Variants in RFNG observed in about 807,000 individuals in gnomAD.
RFNG encodes RFNG O-fucosylpeptide 3-beta-N-acetylglucosaminyltransferase, also known as beta-1,3-N-acetylglucosaminyltransferase radical fringe.
A neutral mutation model predicts 29.6 loss-of-function variants in RFNG; 37 were observed. The ratio of observed to expected loss-of-function variants is 1.25; its 90% CI spans 0.96 to 1.65. RFNG has a LOEUF of 1.65. Ranked by LOEUF, RFNG falls within the 40% of genes most tolerant of loss-of-function variation. The pLI is 0.00. For synonymous variants in RFNG, 276 were observed against 197.3 expected (o/e 1.40, Z -3.34); for missense variants, 546 against 457.0 (o/e 1.19, Z -1.78).
At chr17:82,049,228 C>T (rs1167954054) in intron 6 of RFNG, 112 bp from the exon 7 acceptor site, 2 of 854,590 alleles carry the variant, frequency 2.3e-6, no homozygotes, top group Non-Finnish European at 3.9e-6. Context: ...CTCCCCAGGC[C>T]CTCGGGGAGG....
rs766944393 is a variant in RFNG at position 82,049,761 on chromosome 17, C to A, written c.744G>T (p.Leu248=). 6.6e-7 allele frequency: 1 copy of A among 1,523,726 alleles called. No individual in the cohort carries two copies. The highest frequency in any genetic ancestry group is 2.3e-5 in the East Asian group (1 of 44,168). 94.4% of individuals were successfully genotyped at this position (1,523,726 alleles called of 1,614,324 possible). A position where few individuals can be genotyped will look rare whatever the true frequency, so the allele number is the denominator to read the frequency against. ...GGGGGCTGTGCAGCAGGCGGGCGCCCAGGAGCCCCTCCACGATGTAGCCAA... is the reference window on the plus strand; with the variant it reads ...GGGGGCTGTGCAGCAGGCGGGCGCCAAGGAGCCCCTCCACGATGTAGCCAA... ...CTVGYIVEGL[L]GARLLHSPLF... The change falls in exon 6 of 8, where the codon CTG becomes CTT. Residue 248 remains leucine, a synonymous_variant. Transcript: ENST00000310496.
Position 82,051,796 on chromosome 17 carries a change from C to T in RFNG, c.-30G>A, listed in dbSNP as rs2030677538. 3 of 1,124,920 alleles carry T rather than the reference C, an allele frequency of 2.7e-6. No homozygotes were observed. The highest frequency in any genetic ancestry group is 3.3e-6 in the Non-Finnish European group (3 of 919,250). 69.7% of individuals were successfully genotyped at this position (1,124,920 alleles called of 1,614,324 possible). A position where few individuals can be genotyped will look rare whatever the true frequency, so the allele number is the denominator to read the frequency against. Reference sequence around the variant, plus strand: ...CCGCCGGGACCCCCGGCGCTGCGAGCGGAGAACCTGGCCGGAGCCGTGGGT... The same window carrying T: ...CCGCCGGGACCCCCGGCGCTGCGAGTGGAGAACCTGGCCGGAGCCGTGGGT... On this transcript the variant is annotated 5_prime_UTR_variant, in exon 1 of 8. Transcript: ENST00000310496. This position sits in a 1 kb window ranked among gnomAD's most constrained non-coding sequence, Gnocchi z 4.1.
chr17:82,050,300 C>T (rs921631823), intron 4 of RFNG, 102 bp downstream of exon 4: 3 of 1,373,688 alleles, frequency 2.2e-6, no homozygotes, highest in Non-Finnish European at 2.9e-6. Context: ...GGGCCCCCAA[C>T]CCTATGCCCT....
At position 82,049,083 on chromosome 17, in the gene RFNG, G is replaced by T; in HGVS notation, c.862C>A (p.His288Asn). The T allele has an allele frequency of 1.2e-6, 2 of 1,613,552 alleles. No individual in the cohort carries two copies. The highest frequency in any genetic ancestry group is 1.7e-6 in the Non-Finnish European group (2 of 1,179,864). Residue 288 changes from histidine (H) to asparagine (N), a missense_variant, in exon 7 of 8, where the codon CAT (histidine) becomes AAT (asparagine). Physicochemically the swap from His to Asn is moderately conservative, Grantham distance 68. Coordinates refer to ENST00000310496, the MANE Select transcript of RFNG (RefSeq NM_002917.2). The part of the protein sequence containing the change: ...TLSHGGPENP[H>N]NVVNVAGGFS... ...CCTCCAGCCACGTTCACCACGTTAT[G>T]TGGGTTCTCAGGACCCCCATGGCTC...
rs2030666418 is a variant in RFNG, at chr17:82,051,772, C to G, written c.-6G>C. 9.0e-7 allele frequency: 1 copy of G among 1,105,138 alleles called. No individual in the cohort carries two copies. Among genetic ancestry groups the G allele is most frequent in the Admixed American group, 5.2e-5 (1 of 19,360 alleles). The allele number at this position is 1,105,138 out of a possible 1,614,324, so 68.5% of individuals were successfully genotyped here. A position where few individuals can be genotyped will look rare whatever the true frequency, so the allele number is the denominator to read the frequency against. ...GCCCCACGCGCGCGGCTCATGCGGC[C>G]GCCGGGACCCCCGGCGCTGCGAGCG... On this transcript the variant is annotated 5_prime_UTR_variant, in exon 1 of 8. Coordinates refer to ENST00000310496, the MANE Select transcript of RFNG (RefSeq NM_002917.2). This position sits in a 1 kb window ranked among gnomAD's most constrained non-coding sequence, Gnocchi z 4.1.
intron 2 of RFNG, 64 bp from the exon 3 acceptor site, chr17:82,050,828 G>A (rs2030417721): frequency 6.5e-7 from 1 of 1,529,276 alleles, no homozygotes; most frequent in Non-Finnish European, 8.9e-7. Context: ...TAAGGCCTGT[G>A]CCCCACCTGC....
chr17:82,050,227 C>T (rs1025720380), intron 4 of RFNG, 175 bp downstream of exon 4: 41 of 849,740 alleles, frequency 4.8e-5, no homozygotes, highest in Admixed American at 8.7e-5. Flanking sequence ...CTGCCCAGTA[C>T]GGTGAGGGCC....
chr17:82,049,551 C>T (rs551078877), intron 6 of RFNG, 126 bp downstream of exon 6: 5 of 1,156,822 alleles, frequency 4.3e-6, no homozygotes, highest in East Asian at 2.6e-5. Flanking sequence ...CCAGGGTCCA[C>T]CCCCAGCCAC....
At position 82,050,957 on chromosome 17, in the gene RFNG, G is replaced by A. The variant is rs1268396183; in HGVS notation, c.317-193C>T. The A allele has an allele frequency of 2.7e-5, 38 of 1,426,218 alleles. No homozygotes were observed. In the East Asian group the frequency reaches 8.4e-4, roughly 31 times the overall value. 88.3% of individuals were successfully genotyped at this position (1,426,218 alleles called of 1,614,324 possible). On this transcript the variant is annotated intron_variant, in intron 2 of 7. Transcript: ENST00000310496. The stretch of plus-strand genomic sequence containing the variant: ...TGGTGCCACCGAGGCTGAAGCAGGC[G>A]GCCATCGGTTGGGATCTCTTGAGTG...
rs749555015 is a variant in RFNG at position 82,051,324 on chromosome 17, C to CG, written c.285dup (p.Gly96ArgfsTer5). 4.1e-5 allele frequency: 59 copies of CG among 1,446,652 alleles called. No individual in the cohort carries two copies. The highest frequency in any genetic ancestry group is 1.8e-4 in the Admixed American group (6 of 32,588). 89.6% of individuals were successfully genotyped at this position (1,446,652 alleles called of 1,614,324 possible). The stretch of plus-strand genomic sequence containing the variant: ...TGGAGCTCGAGCTCAGGGTCGTCCC[C>CG]GTCGGTGAAGATAAACGTCTGGGGG... On this transcript the variant is annotated frameshift_variant, in exon 2 of 8. Coordinates refer to ENST00000310496, the MANE Select transcript of RFNG (RefSeq NM_002917.2). LOFTEE classifies it high-confidence loss of function. This position sits in a 1 kb window ranked among gnomAD's most constrained non-coding sequence, Gnocchi z 4.1.
rs2030349666 is a variant in RFNG at position 82,050,570 on chromosome 17, A to C, written c.420-15T>G. On this transcript the variant is annotated splice_polypyrimidine_tract_variant and intron_variant, in intron 3 of 7. Transcript: ENST00000310496. ...GGCAAAACCACCTGTGGGCGAGGGG[A>C]GTCCTGGGCACGAGGGCCTGGCATG... The C allele has an allele frequency of 1.9e-6, 3 of 1,609,160 alleles. No individual in the cohort carries two copies. The highest frequency in any genetic ancestry group is 2.2e-5 in the South Asian group (2 of 90,824).
chr17:82,050,054 C>A, intron 4 of RFNG, 48 bp from the exon 5 acceptor site: 1 of 1,479,478 alleles, frequency 6.8e-7, no homozygotes, highest in South Asian at 1.2e-5. Context: ...GGCTTCTCAC[C>A]CCTGACTCTT....
At position 82,048,213 on chromosome 17, in the gene RFNG, C is replaced by G. The variant is rs150909070; in HGVS notation, c.*513G>C. 133 of 164,216 alleles carry G rather than the reference C, an allele frequency of 8.1e-4. No individual in the cohort carries two copies. The highest frequency in any genetic ancestry group is 1.5e-3 in the Non-Finnish European group (112 of 75,338). 10.2% of individuals were successfully genotyped at this position (164,216 alleles called of 1,614,324 possible). A position where few individuals can be genotyped will look rare whatever the true frequency, so the allele number is the denominator to read the frequency against. On this transcript the variant is annotated 3_prime_UTR_variant, in exon 8 of 8. Coordinates refer to ENST00000310496, the MANE Select transcript of RFNG (RefSeq NM_002917.2). ...GCAAAGCTCTGGTCGAGAACATGAC[C>G]TTCCCGGGCCTGAGTCCCACTGTGG...
In RFNG at chr17:82,050,398, TCA is replaced by T; in HGVS notation, c.573+2_573+3del. ...GCTCCGATGGCGTCTGCTCCGACAC[TCA>T]CAGTTCTGCCACCCTGGACCCTCTC... On this transcript the variant is annotated splice_donor_variant and splice_donor_region_variant and intron_variant, in intron 4 of 7. Transcript: ENST00000310496. LOFTEE classifies it high-confidence loss of function. 2 of 1,569,044 alleles carry T rather than the reference TCA, an allele frequency of 1.3e-6. No individual in the cohort carries two copies. Among genetic ancestry groups the T allele is most frequent in the Non-Finnish European group, 8.6e-7 (1 of 1,162,822 alleles).
In RFNG at chr17:82,050,982, G is replaced by A. The variant is rs1438738776; in HGVS notation, c.317-218C>T. On this transcript the variant is annotated intron_variant, in intron 2 of 7. Coordinates refer to ENST00000310496, the MANE Select transcript of RFNG (RefSeq NM_002917.2). Reference sequence around the variant, plus strand: ...GGCCATCGGTTGGGATCTCTTGAGTGGAAACAGGACGGAGGCAGCTCGCCC... The same window carrying A: ...GGCCATCGGTTGGGATCTCTTGAGTAGAAACAGGACGGAGGCAGCTCGCCC... The A allele has an allele frequency of 4.9e-6, 7 of 1,426,712 alleles. 1 individual carries two copies. Among genetic ancestry groups the A allele is most frequent in the South Asian group, 4.5e-5 (3 of 66,442 alleles). 88.4% of individuals were successfully genotyped at this position (1,426,712 alleles called of 1,614,324 possible). A position where few individuals can be genotyped will look rare whatever the true frequency, so the allele number is the denominator to read the frequency against.
chr17:82,050,895 T>TC lies in RFNG; in HGVS notation c.317-132dup, dbSNP rs1407570557. 21 of 1,415,534 alleles carry TC rather than the reference T, an allele frequency of 1.5e-5. No homozygotes were observed. In the Admixed American group the frequency reaches 4.4e-4, roughly 30 times the overall value. 87.7% of individuals were successfully genotyped at this position (1,415,534 alleles called of 1,614,324 possible). A position where few individuals can be genotyped will look rare whatever the true frequency, so the allele number is the denominator to read the frequency against. On this transcript the variant is annotated intron_variant, in intron 2 of 7. Coordinates refer to ENST00000310496, the MANE Select transcript of RFNG (RefSeq NM_002917.2). ...GACATGCCTGGACACCTTGCCTGGG[T>TC]CCAACCACAGCCCTAGCCCTCACGC...
At position 82,048,575 on chromosome 17, in the gene RFNG, G is replaced by T. The variant is rs541076661; in HGVS notation, c.*151C>A. The T allele has an allele frequency of 2.3e-5, 15 of 661,360 alleles. No homozygotes were observed. Among genetic ancestry groups the T allele is most frequent in the South Asian group, 5.0e-5 (3 of 59,776 alleles). The allele number at this position is 661,360 out of a possible 1,614,324, so 41.0% of individuals were successfully genotyped here. A position where few individuals can be genotyped will look rare whatever the true frequency, so the allele number is the denominator to read the frequency against. On this transcript the variant is annotated 3_prime_UTR_variant, in exon 8 of 8. Coordinates refer to ENST00000310496, the MANE Select transcript of RFNG (RefSeq NM_002917.2). The stretch of plus-strand genomic sequence containing the variant: ...CGCAGCCCACCAGGGGCTGGGAGAG[G>T]GGGGGCTGCAGGCTAGCCAGAGGGT...
chr17:82,049,767 C>A lies in RFNG; in HGVS notation c.738G>T (p.Gly246=). Residue 246 remains glycine (G), a synonymous_variant, in exon 6 of 8, where the codon GGG becomes GGT. Transcript: ENST00000310496. ...TGTGCAGCAGGCGGGCGCCCAGGAG[C>A]CCCTCCACGATGTAGCCAACTGTGC... The part of the protein sequence containing the change: ...DDCTVGYIVE[G]LLGARLLHSP... The A allele has an allele frequency of 6.6e-7, 1 of 1,525,070 alleles. No homozygotes were observed. The highest frequency in any genetic ancestry group is 8.8e-7 in the Non-Finnish European group (1 of 1,139,692). 94.5% of individuals were successfully genotyped at this position (1,525,070 alleles called of 1,614,324 possible). A position where few individuals can be genotyped will look rare whatever the true frequency, so the allele number is the denominator to read the frequency against.
Position 82,050,425 on chromosome 17 carries a change from C to A in RFNG, c.550G>T (p.Glu184Ter). The A allele has an allele frequency of 6.2e-7, 1 of 1,600,052 alleles. No homozygotes were observed. The highest frequency in any genetic ancestry group is 1.1e-5 in the South Asian group (1 of 90,498). The change falls in exon 4 of 8, where the codon GAG (glutamate) becomes TAG (stop). Residue 184 changes from glutamate to a stop codon, truncating the protein, a stop_gained. Coordinates refer to ENST00000310496, the MANE Select transcript of RFNG (RefSeq NM_002917.2). LOFTEE classifies it high-confidence loss of function. ...ACAGTTCTGCCACCCTGGACCCTCT[C>A]GGTGGCCTCAATGGGGTGGTCCAGG... ...PSLDHPIEAT[E>*]RVQGGRTVTT...
Sources: allele counts gnomAD v4.1 joint callset, GRCh38; gene constraint gnomAD v4.1.1; non-coding constraint Gnocchi (gnomAD v3.1); transcripts MANE v1.5; gene names NCBI Gene and HGNC (gene_info 2026-07-23, HGNC 2026-07-21).